The following CA12 variants were observed in gnomAD, a reference collection of about 807,000 sequenced individuals.
The protein encoded by CA12 is carbonate dehydratase XII.
A neutral mutation model predicts 46.8 loss-of-function variants in CA12; 36 were observed. The ratio of observed to expected loss-of-function variants is 0.77; its 90% CI spans 0.59 to 1.02. The LOEUF (loss-of-function observed/expected upper bound fraction) is 1.02, where lower values mean the gene tolerates loss of function less well. CA12 is among the 50% of genes least tolerant of loss of function. CA12 has a pLI of 0.00. For synonymous variants in CA12, 202 were observed against 187.0 expected (o/e 1.08, Z -0.65); for missense variants, 436 against 451.4 (o/e 0.97, Z 0.31).
At position 63,364,332 on chromosome 15, in the gene CA12, GAAAAAAAA is replaced by G. The variant is rs34673043; in HGVS notation, c.106+11318_106+11325del. Among the ~76,000 whole-genome samples the G allele has an allele frequency of 3.2e-4, 18 of 56,118 alleles. 1 individual carries two copies. Among genetic ancestry groups the G allele is most frequent in the Admixed American group, 2.4e-3 (7 of 2,970 alleles). 36.8% of individuals were successfully genotyped at this position (56,118 alleles called of 152,430 possible). A position where few individuals can be genotyped will look rare whatever the true frequency, so the allele number is the denominator to read the frequency against. On this transcript the variant is annotated intron_variant, in intron 2 of 10. Transcript: ENST00000178638. ...GTGAAACAGTGAAACCCCGTCACTA[GAAAAAAAA>G]AAAAAAAAAAAAAAACAGTGGGACT... is the stretch of plus-strand genomic sequence containing the variant.
Position 63,381,670 on chromosome 15 carries a change from TAAG to T in CA12, c.48_50del (p.Leu17del). On this transcript the variant is annotated inframe_deletion, in exon 1 of 11. Coordinates refer to ENST00000178638, the MANE Select transcript of CA12 (RefSeq NM_001218.5). ...GGGCCGGGCTGGAAGGCTGTTCCTT[TAAG>T]ATCACCAGCAGGAGCACGGCCGCCG... 1.2e-6 allele frequency: 2 copies of T among 1,611,636 alleles called. No homozygotes were observed. The highest frequency in any genetic ancestry group is 1.7e-6 in the Non-Finnish European group (2 of 1,179,044).
Position 63,341,866 on chromosome 15 carries a change from A to T in CA12, c.525+136T>A. The T allele has an allele frequency of 1.4e-6, 1 of 704,522 alleles. No individual in the cohort carries two copies. The highest frequency in any genetic ancestry group is 1.8e-5 in the African/African-American group (1 of 57,138). The allele number at this position is 704,522 out of a possible 1,614,324, so 43.6% of individuals were successfully genotyped here. ...GAGAGAAGGTGCACTACAGGAGGAT[A>T]CCCCCTGCTCTGGAGTTGACACGGA... On this transcript the variant is annotated intron_variant, in intron 5 of 10. Coordinates refer to ENST00000178638, the MANE Select transcript of CA12 (RefSeq NM_001218.5). This position sits in a 1 kb window ranked among gnomAD's most constrained non-coding sequence, Gnocchi z 5.2.
intron 1 of CA12, among the ~76,000 whole-genome samples, chr15:63,375,970 T>C (rs760273445): frequency 4.0e-5 from 6 of 151,862 alleles, no homozygotes; most frequent in Non-Finnish European, 8.8e-5. Context: ...CCGTCACGCC[T>C]GGTTAATTTT....
Position 63,322,635 on chromosome 15 carries a change from A to G in CA12, c.*3650T>C, listed in dbSNP as rs2152607328. On this transcript the variant is annotated 3_prime_UTR_variant, in exon 11 of 11. Transcript: ENST00000178638. This position sits in a 1 kb window ranked among gnomAD's most constrained non-coding sequence, Gnocchi z 4.1. ...CAGCCAGTGGATGTGGAATTCAGGG[A>G]GATGAGAGATGCTCATTTCCTGCTC... 1 of 152,350 alleles carries G rather than the reference A, an allele frequency of 6.6e-6. No individual in the cohort carries two copies. Among genetic ancestry groups the G allele is most frequent in the East Asian group, 1.9e-4 (1 of 5,184 alleles). The allele number at this position is 152,350 out of a possible 1,614,324, so 9.4% of individuals were successfully genotyped here.
Position 63,340,354 on chromosome 15 carries a change from T to C in CA12, c.681A>G (p.Thr227=). Residue 227 remains threonine, a synonymous_variant, in exon 7 of 11, where the codon ACA becomes ACG. Transcript: ENST00000178638. This position sits in a 1 kb window ranked among gnomAD's most constrained non-coding sequence, Gnocchi z 4.4. ...AGAGCACAGTGGGGTTGCAAGGGGG[T>C]GTGGTCAGGGACCCCCGGTAGCGGT... ...EYYRYRGSLT[T]PPCNPTVLWT... is the part of the protein sequence containing the mutation. 1 of 1,613,792 alleles carries C rather than the reference T, an allele frequency of 6.2e-7. No homozygotes were observed. The highest frequency in any genetic ancestry group is 1.3e-5 in the African/African-American group (1 of 74,876).
At position 63,340,390 on chromosome 15, in the gene CA12, G is replaced by T; in HGVS notation, c.645C>A (p.Thr215=). The T allele has an allele frequency of 6.2e-7, 1 of 1,614,096 alleles. No homozygotes were observed. The highest frequency in any genetic ancestry group is 8.5e-7 in the Non-Finnish European group (1 of 1,180,012). The change falls in exon 7 of 11, where the codon ACC becomes ACA. Residue 215 remains threonine (T), a synonymous_variant. Coordinates refer to ENST00000178638, the MANE Select transcript of CA12 (RefSeq NM_001218.5). The surrounding 1 kb of genome is among the most constrained non-coding windows in gnomAD (Gnocchi z 4.4). ...ACCCCCGGTAGCGGTAATATTCAGC[G>T]GTCCTCTCCGGAAGCAGCTCTTCAA... ...FNIEELLPER[T]AEYYRYRGSL...
chr15:63,337,336 A>T (rs751226136), intron 8 of CA12, among the ~76,000 whole-genome samples: 24 of 152,228 alleles, frequency 1.6e-4, no homozygotes, highest in Non-Finnish European at 1.8e-4. Context: ...CATATGTTCA[A>T]CTAAGTTTAG....
rs1014821238 is a variant in CA12 at position 63,323,428 on chromosome 15, T to C, written c.*2857A>G. The stretch of plus-strand genomic sequence containing the variant: ...TTCTAAGAAGTGGATGCGAGTGACA[T>C]TATTATTCTGATTAGTTACCTATCC... On this transcript the variant is annotated 3_prime_UTR_variant, in exon 11 of 11. Coordinates refer to ENST00000178638, the MANE Select transcript of CA12 (RefSeq NM_001218.5). The surrounding 1 kb of genome is among the most constrained non-coding windows in gnomAD (Gnocchi z 5.1). 1 of 152,352 alleles carries C rather than the reference T, an allele frequency of 6.6e-6. No homozygotes were observed. The highest frequency in any genetic ancestry group is 1.5e-5 in the Non-Finnish European group (1 of 68,026). 9.4% of individuals were successfully genotyped at this position (152,352 alleles called of 1,614,324 possible).
intron 1 of CA12, among the ~76,000 whole-genome samples, chr15:63,376,138 G>A (rs2039567869): frequency 6.6e-6 from 1 of 152,160 alleles, no homozygotes; most frequent in Non-Finnish European, 1.5e-5. Context: ...GTCTGCATCA[G>A]AACAGCAGCT....
intron 2 of CA12, among the ~76,000 whole-genome samples, chr15:63,370,515 G>A (rs2039489848): frequency 6.6e-6 from 1 of 151,898 alleles, no homozygotes; most frequent in African/African-American, 2.4e-5. Flanking sequence ...GCTCATGCCT[G>A]TAATCCCACC....
intron 2 of CA12, 68 bp from the exon 3 acceptor site, chr15:63,346,777 C>A: frequency 6.6e-7 from 1 of 1,519,832 alleles, no homozygotes; most frequent in Non-Finnish European, 9.1e-7. Context: ...TCTTCTAATT[C>A]TCTGTTCAAT....
chr15:63,343,824 T>A (rs2039112397), intron 4 of CA12, among the ~76,000 whole-genome samples: 1 of 152,094 alleles, frequency 6.6e-6, no homozygotes, highest in African/African-American at 2.4e-5. Context: ...GGAAAATAAA[T>A]CTCGAGACCC....
rs2038909157 is a variant in CA12, at chr15:63,329,493, T to C, written c.875-1363A>G. 1.3e-5 allele frequency among the ~76,000 whole-genome samples: 2 copies of C among 152,198 alleles called. No individual in the cohort carries two copies. The highest frequency in any genetic ancestry group is 2.1e-4 in the South Asian group (1 of 4,828). On this transcript the variant is annotated intron_variant, in intron 8 of 10. Coordinates refer to ENST00000178638, the MANE Select transcript of CA12 (RefSeq NM_001218.5). This position sits in a 1 kb window ranked among gnomAD's most constrained non-coding sequence, Gnocchi z 4.8. Reference sequence around the variant, plus strand: ...TTCCCACAGCCATTCCCCATTCTCCTAATCAGGTCCTTTGTCTAAAGAAAG... The same window carrying C: ...TTCCCACAGCCATTCCCCATTCTCCCAATCAGGTCCTTTGTCTAAAGAAAG...
chr15:63,379,993 T>A (rs2039624418), intron 1 of CA12, among the ~76,000 whole-genome samples: 1 of 152,232 alleles, frequency 6.6e-6, no homozygotes, highest in African/African-American at 2.4e-5. Context: ...AGAGAGCAGA[T>A]CACACTTTGA....
At chr15:63,363,526 G>A (rs16946922) in intron 2 of CA12, among the ~76,000 whole-genome samples, 1 of 152,292 alleles carries the variant, frequency 6.6e-6, no homozygotes, top group African/African-American at 2.4e-5. Context: ...TCTTCTTGAG[G>A]GTAAAAATGG....
chr15:63,339,259 C>T lies in CA12; in HGVS notation c.748-314G>A, dbSNP rs2039044669. Reference sequence around the variant, plus strand: ...GGAAACCTGGGGTGATGGAGTGCTCCTTAACCTCCACAGAGACTGAGTTCC... The same window carrying T: ...GGAAACCTGGGGTGATGGAGTGCTCTTTAACCTCCACAGAGACTGAGTTCC... On this transcript the variant is annotated intron_variant, in intron 7 of 10. Transcript: ENST00000178638. This position sits in a 1 kb window ranked among gnomAD's most constrained non-coding sequence, Gnocchi z 4.3. Among the ~76,000 whole-genome samples, 1 of 3,578 alleles carries T rather than the reference C, an allele frequency of 2.8e-4. No individual in the cohort carries two copies. The highest frequency in any genetic ancestry group is 7.7e-3 in the Admixed American group (1 of 130). 2.3% of individuals were successfully genotyped at this position (3,578 alleles called of 152,430 possible). A position where few individuals can be genotyped will look rare whatever the true frequency, so the allele number is the denominator to read the frequency against.
At position 63,380,706 on chromosome 15, in the gene CA12, G is replaced by A. The variant is rs376264069; in HGVS notation, c.85+930C>T. Among the ~76,000 whole-genome samples the A allele has an allele frequency of 3.9e-5, 6 of 152,136 alleles. No individual in the cohort carries two copies. The East Asian group carries it at 9.6e-4, about 24-fold the overall frequency. On this transcript the variant is annotated intron_variant, in intron 1 of 10. Coordinates refer to ENST00000178638, the MANE Select transcript of CA12 (RefSeq NM_001218.5). ...CCCTGCCCTTCCCCATGGGCACTGT[G>A]ACCTCCAAGAGAGGAGGCTCAGAGC...
chr15:63,351,558 T>C (rs897468604), intron 2 of CA12, among the ~76,000 whole-genome samples: 2 of 152,194 alleles, frequency 1.3e-5, no homozygotes, highest in Admixed American at 1.3e-4. Flanking sequence ...GCCTGCCCCA[T>C]GCTTCAGCCA....
In CA12 at chr15:63,374,395, C is replaced by T. The variant is rs140889835; in HGVS notation, c.106+1263G>A. Among the ~76,000 whole-genome samples, 850 of 152,326 alleles carry T rather than the reference C, an allele frequency of 5.6e-3. 9 individuals carry two copies. Among genetic ancestry groups the T allele is most frequent in the African/African-American group, 0.02 (811 of 41,572 alleles). On this transcript the variant is annotated intron_variant, in intron 2 of 10. Coordinates refer to ENST00000178638, the MANE Select transcript of CA12 (RefSeq NM_001218.5). The surrounding 1 kb of genome is among the most constrained non-coding windows in gnomAD (Gnocchi z 4.4). ...CTTCCCTGACCATCTAGCCCTAGCA[C>T]ACTCGCCCTCCTTTGAGCACTCAGA...
Sources: allele counts gnomAD v4.1 joint callset (sites outside exome capture counted in the v4.1 genomes callset), GRCh38; gene constraint gnomAD v4.1.1; non-coding constraint Gnocchi (gnomAD v3.1); transcripts MANE v1.5; gene names NCBI Gene and HGNC (gene_info 2026-07-23, HGNC 2026-07-21).